The following NCKAP5 variants were observed in gnomAD, a reference collection of about 807,000 sequenced individuals.
NCKAP5 encodes the protein NCK associated protein 5.
In NCKAP5, 92 loss-of-function variants were observed where a neutral mutation model predicts 167.0. That is an observed-to-expected ratio of 0.55 (90% CI 0.47 to 0.66). The LOEUF (loss-of-function observed/expected upper bound fraction) is 0.66, where lower values mean the gene tolerates loss of function less well. Among genes scored for constraint, NCKAP5 ranks in the 30% least tolerant of loss-of-function variants. The probability of loss-of-function intolerance (pLI) is 0.00; values close to 1 mark genes in which losing one functional copy is unlikely to be tolerated. For synonymous variants in NCKAP5, 891 were observed against 877.4 expected, an observed-to-expected ratio of 1.02 and a Z score of -0.27; for missense variants, 2,378 against 2,315.0, an observed-to-expected ratio of 1.03 and a Z score of -0.56.
chr2:133,082,298 G>T (rs980580273), intron 6 of NCKAP5, among the ~76,000 whole-genome samples: 2 of 152,116 alleles, frequency 1.3e-5, no homozygotes, highest in Admixed American at 1.3e-4. Flanking sequence ...ACAGGTTAAA[G>T]ACTGCATCAT....
At chr2:132,729,159 T>G (rs1378390428) in intron 17 of NCKAP5, among the ~76,000 whole-genome samples, 1 of 152,188 alleles carries the variant, frequency 6.6e-6, no homozygotes, top group African/African-American at 2.4e-5. Context: ...AAGCCCCTTT[T>G]CAAGACCCCG....
At chr2:132,951,205 G>A (rs1363366348) in intron 8 of NCKAP5, among the ~76,000 whole-genome samples, 11 of 152,104 alleles carry the variant, frequency 7.2e-5, no homozygotes, top group East Asian at 3.8e-4. Context: ...CCTGTCCACC[G>A]TGACAGCTGA....
intron 5 of NCKAP5, among the ~76,000 whole-genome samples, chr2:133,210,101 G>A (rs904832499): frequency 1.3e-5 from 2 of 151,472 alleles, no homozygotes; most frequent in Admixed American, 6.6e-5. Flanking sequence ...GGAGGCAGAG[G>A]TCGCAGTGAG....
intron 3 of NCKAP5, among the ~76,000 whole-genome samples, chr2:133,449,210 T>C (rs940690504): frequency 2.6e-5 from 4 of 152,228 alleles, no homozygotes; most frequent in African/African-American, 9.6e-5. Context: ...TAAGTCTTTA[T>C]TGGCTCAAGG....
rs1178682281 is a variant in NCKAP5 at position 132,764,443 on chromosome 2, T to C, written c.5128+9373A>G. ...TTTTGAGTTTATCACTTATAGTTAG[T>C]TATAAGTGGGTGAACTCAGTGCAGC... On this transcript the variant is annotated intron_variant, in intron 16 of 19. Transcript: ENST00000409261. 2.0e-5 allele frequency among the ~76,000 whole-genome samples: 3 copies of C among 152,238 alleles called. No homozygotes were observed. In the East Asian group the frequency reaches 5.8e-4, roughly 29 times the overall value.
At chr2:133,056,455 TAA>T (rs1378834788) in intron 6 of NCKAP5, among the ~76,000 whole-genome samples, 2 of 152,278 alleles carry the variant, frequency 1.3e-5, no homozygotes, top group African/African-American at 2.4e-5. Context: ...TTTAAAACAT[TAA>T]GAGTCAAGTT....
chr2:132,737,443 T>C (rs1203560282), intron 16 of NCKAP5, among the ~76,000 whole-genome samples: 1 of 152,120 alleles, frequency 6.6e-6, no homozygotes, highest in Non-Finnish European at 1.5e-5. Flanking sequence ...CAGACTTCAG[T>C]AAAGAGGAAA....
chr2:133,192,729 CA>C (rs1282528092), intron 5 of NCKAP5, among the ~76,000 whole-genome samples: 1 of 151,864 alleles, frequency 6.6e-6, no homozygotes, highest in East Asian at 1.9e-4. Context: ...GAAAGGCTAA[CA>C]AAAAAACAGT....
intron 5 of NCKAP5, among the ~76,000 whole-genome samples, chr2:133,204,306 A>G (rs1302100383): frequency 6.6e-6 from 1 of 152,176 alleles, no homozygotes; most frequent in Non-Finnish European, 1.5e-5. Context: ...AGATTTCACA[A>G]TTTTTAAACA....
intron 3 of NCKAP5, among the ~76,000 whole-genome samples, chr2:133,305,956 T>G (rs1680748515): frequency 6.6e-6 from 1 of 152,232 alleles, no homozygotes; most frequent in Non-Finnish European, 1.5e-5. Context: ...TATTTTTTGT[T>G]AAGTGAAATT....
At chr2:133,661,260 A>G in the NCKAP5 span, among the ~76,000 whole-genome samples, 1 of 152,156 alleles carries the variant, frequency 6.6e-6, no homozygotes, top group South Asian at 2.1e-4. Context: ...ATCATCAAGG[A>G]AGCAGAAATC....
chr2:133,166,984 A>G (rs987842283), intron 5 of NCKAP5, among the ~76,000 whole-genome samples: 1 of 152,240 alleles, frequency 6.6e-6, no homozygotes, highest in African/African-American at 2.4e-5. Flanking sequence ...ACTAACTTGA[A>G]TCATAAGCAA....
chr2:132,852,870 C>T (rs1689179826), intron 11 of NCKAP5, among the ~76,000 whole-genome samples: 1 of 152,248 alleles, frequency 6.6e-6, no homozygotes, highest in East Asian at 1.9e-4. Flanking sequence ...GTTTCTGTTG[C>T]ATTTACTACT....
intron 3 of NCKAP5, among the ~76,000 whole-genome samples, chr2:133,445,990 C>T (rs1691168263): frequency 1.3e-5 from 2 of 152,078 alleles, no homozygotes; most frequent in Non-Finnish European, 2.9e-5. Flanking sequence ...GTGGTGGTTT[C>T]AAATGAAGAT....
chr2:133,264,819 C>T (rs1301878868), intron 4 of NCKAP5: 1 of 152,202 alleles, frequency 6.6e-6, no homozygotes, highest in South Asian at 2.1e-4. Context: ...AATGTTAGTC[C>T]AGGATGGCTC....
chr2:133,622,590 T>C, the NCKAP5 span, among the ~76,000 whole-genome samples: 1 of 151,670 alleles, frequency 6.6e-6, no homozygotes, highest in African/African-American at 2.4e-5. Context: ...ACAAGGAATA[T>C]ACTTAACCAA....
chr2:133,327,427 T>C (rs1047201060), intron 3 of NCKAP5, among the ~76,000 whole-genome samples: 22 of 152,200 alleles, frequency 1.4e-4, no homozygotes, highest in Non-Finnish European at 2.8e-4. Flanking sequence ...GATATGTTAA[T>C]AGTCACATCC....
intron 2 of NCKAP5, among the ~76,000 whole-genome samples, chr2:133,533,961 A>G (rs747932962): frequency 5.9e-5 from 9 of 152,130 alleles, no homozygotes; most frequent in Non-Finnish European, 1.2e-4. Context: ...TGTCTCCTAC[A>G]CACACACAAA....
At chr2:133,324,866 C>T (rs1476214496) in intron 3 of NCKAP5, among the ~76,000 whole-genome samples, 1 of 151,866 alleles carries the variant, frequency 6.6e-6, no homozygotes, top group Non-Finnish European at 1.5e-5. Flanking sequence ...ATTACAGGCA[C>T]CCAGATAATT....
Sources: allele counts gnomAD v4.1 joint callset (sites outside exome capture counted in the v4.1 genomes callset), GRCh38; gene constraint gnomAD v4.1.1; transcripts MANE v1.5; gene names NCBI Gene and HGNC (gene_info 2026-07-23, HGNC 2026-07-21).